PMVK: variants seen among roughly 807,000 people sequenced by gnomAD.
PMVK encodes the protein testis tissue sperm-binding protein Li 95mP.
A neutral mutation model predicts 19.0 loss-of-function variants in PMVK; 10 were observed. That is an observed-to-expected ratio of 0.53 (90% CI 0.32 to 0.89). The LOEUF is 0.89. Among genes scored for constraint, PMVK ranks in the 40% least tolerant of loss-of-function variants. The pLI is 0.03. For synonymous variants in PMVK, 108 were observed against 101.6 expected, an observed-to-expected ratio of 1.06 and a Z score of -0.38; for missense variants, 222 against 251.1, an observed-to-expected ratio of 0.88 and a Z score of 0.78.
the PMVK span, among the ~76,000 whole-genome samples, chr1:154,942,500 G>A: frequency 6.6e-6 from 1 of 152,230 alleles, no homozygotes; most frequent in Non-Finnish European, 1.5e-5. Context: ...TGCGAGGATC[G>A]CCTCCCAGGG....
the PMVK span, among the ~76,000 whole-genome samples, chr1:154,942,252 G>A: frequency 2.6e-5 from 4 of 152,218 alleles, no homozygotes; most frequent in Admixed American, 6.5e-5. Context: ...AAACAGACAC[G>A]TGGTGAAATC....
At chr1:154,940,834 G>A (rs1654625445), upstream of PMVK, among the ~76,000 whole-genome samples, 1 of 152,182 alleles carries the variant, frequency 6.6e-6, no homozygotes, top group African/African-American at 2.4e-5. Context: ...GCCACATCGG[G>A]GAACCAACAC....
chr1:154,938,219 C>T (rs933346157), upstream of PMVK, among the ~76,000 whole-genome samples: 2 of 152,198 alleles, frequency 1.3e-5, no homozygotes, highest in African/African-American at 4.8e-5. Flanking sequence ...AACTTACTCC[C>T]GGAGTCTCTT....
intron 3 of PMVK, 103 bp from the exon 4 acceptor site, chr1:154,926,586 C>A (rs917401568): frequency 7.5e-6 from 7 of 935,278 alleles, no homozygotes; most frequent in East Asian, 5.0e-5. Flanking sequence ...GTGGCTCTAC[C>A]CCCCCATCAT....
At chr1:154,939,703 T>G (rs1654601010), upstream of PMVK, among the ~76,000 whole-genome samples, 1 of 70,130 alleles carries the variant, frequency 1.4e-5, no homozygotes, top group Non-Finnish European at 2.4e-5. Context: ...AGACTCCATC[T>G]CAAAAAAAAA....
At chr1:154,934,148 C>T (rs139762846) in intron 1 of PMVK, among the ~76,000 whole-genome samples, 252 of 152,232 alleles carry the variant, frequency 1.7e-3, no homozygotes, top group Non-Finnish European at 2.4e-3. Context: ...TACAGGCCGG[C>T]GCCACCACGT....
chr1:154,933,730 G>T (rs1472905267), intron 1 of PMVK, among the ~76,000 whole-genome samples: 2 of 151,708 alleles, frequency 1.3e-5, no homozygotes, highest in African/African-American at 4.8e-5. Context: ...CTGATCTCGT[G>T]ATCCGCCCGC....
chr1:154,941,978 G>C, the PMVK span, among the ~76,000 whole-genome samples: 1 of 152,170 alleles, frequency 6.6e-6, no homozygotes, highest in Non-Finnish European at 1.5e-5. Flanking sequence ...GGACGGGAGG[G>C]GGGAATGCAG....
chr1:154,938,192 C>T (rs1654569727), upstream of PMVK: 1 of 152,256 alleles, frequency 6.6e-6, no homozygotes, highest in African/African-American at 2.4e-5. Context: ...TTACCTGAGT[C>T]ACATGGAAGG....
chr1:154,931,635 A>T lies in PMVK; in HGVS notation c.159+717T>A, dbSNP rs1366799429. 2.0e-5 allele frequency among the ~76,000 whole-genome samples: 3 copies of T among 152,212 alleles called. 1 individual carries two copies. Among genetic ancestry groups the T allele is most frequent in the Non-Finnish European group, 4.4e-5 (3 of 68,038 alleles). On this transcript the variant is annotated intron_variant, in intron 2 of 4. Transcript: ENST00000368467. ...GCTGAACATGAGACAGGCACCCTGT[A>T]AATATTTGTTAAATAGCCAAATATA...
chr1:154,941,243 T>C (rs1558034912), upstream of PMVK, among the ~76,000 whole-genome samples: 1 of 151,758 alleles, frequency 6.6e-6, no homozygotes, highest in Non-Finnish European at 1.5e-5. Context: ...GGGGAAGGGG[T>C]TCACTGTTGT....
chr1:154,937,289 A>G (rs1304250991), upstream of PMVK: 1 of 152,686 alleles, frequency 6.5e-6, no homozygotes, highest in African/African-American at 2.4e-5. Flanking sequence ...GTGTCTGGCC[A>G]CGTCATGTCG....
In PMVK at chr1:154,932,386, C is replaced by T. The variant is rs766324080; in HGVS notation, c.125G>A (p.Arg42Gln). 1.2e-5 allele frequency: 19 copies of T among 1,613,120 alleles called. No individual in the cohort carries two copies. The highest frequency in any genetic ancestry group is 1.1e-4 in the South Asian group (10 of 91,018). ...RLGADVCAVL[R>Q]LSGPLKEQYA... ...CTGTTCCTTGAGTGGACCAGAGAGC[C>T]GGAGGACAGCACAGACATCAGCTCC... The change falls in exon 2 of 5, where the codon CGG (arginine) becomes CAG (glutamine). Residue 42 changes from arginine (R) to glutamine (Q), a missense_variant. Physicochemically the swap from Arg to Gln is conservative, Grantham distance 43. Transcript: ENST00000368467.
chr1:154,933,734 C>T (rs1410902999), intron 1 of PMVK, among the ~76,000 whole-genome samples: 3 of 151,676 alleles, frequency 2.0e-5, no homozygotes, highest in African/African-American at 7.3e-5. Context: ...TCTCGTGATC[C>T]GCCCGCCTCA....
intron 3 of PMVK, among the ~76,000 whole-genome samples, chr1:154,927,448 C>CAA (rs59872946): frequency 8.2e-4 from 29 of 35,506 alleles, no homozygotes; most frequent in South Asian, 2.2e-3. Flanking sequence ...GACTCTGTCT[C>CAA]AAAAAAAAAA....
upstream of PMVK, chr1:154,937,341 C>T (rs1305806399): frequency 6.6e-6 from 1 of 152,342 alleles, no homozygotes; most frequent in Admixed American, 6.5e-5. Context: ...CATTGTCAAG[C>T]AGATTTTATA....
chr1:154,933,363 G>A (rs991327077), intron 1 of PMVK, among the ~76,000 whole-genome samples: 9 of 151,748 alleles, frequency 5.9e-5, no homozygotes, highest in Non-Finnish European at 8.8e-5. Context: ...AACCCAGGAG[G>A]TGGAAGTTGC....
chr1:154,935,671 T>C (rs1654481641), intron 1 of PMVK, among the ~76,000 whole-genome samples: 1 of 152,180 alleles, frequency 6.6e-6, no homozygotes, highest in Non-Finnish European at 1.5e-5. Context: ...GCAAGGGTTT[T>C]TTGTTGTTAA....
chr1:154,933,603 C>T (rs1571384230), intron 1 of PMVK, among the ~76,000 whole-genome samples: 2 of 147,654 alleles, frequency 1.4e-5, no homozygotes. Flanking sequence ...GAGCGATTCT[C>T]CTGCCTCGGC....
Sources: allele counts gnomAD v4.1 joint callset (sites outside exome capture counted in the v4.1 genomes callset), GRCh38; gene constraint gnomAD v4.1.1; transcripts MANE v1.5; gene names NCBI Gene and HGNC (gene_info 2026-07-23, HGNC 2026-07-21).